IGFBP7: variants seen among roughly 807,000 people sequenced by gnomAD.
The protein encoded by IGFBP7 is insulin-like growth factor-binding protein 7.
IGFBP7 carries 31 observed loss-of-function variants against 29.4 expected under a neutral mutation model. The ratio of observed to expected loss-of-function variants is 1.05; its 90% CI spans 0.79 to 1.42. IGFBP7 has a LOEUF of 1.42. Among genes scored for constraint, IGFBP7 ranks in the 40% most tolerant of loss-of-function variants. The probability of loss-of-function intolerance (pLI) is 0.00; values close to 1 mark genes in which losing one functional copy is unlikely to be tolerated. For synonymous variants in IGFBP7, 172 were observed against 174.9 expected (o/e 0.98, Z 0.13); for missense variants, 393 against 395.5 (o/e 0.99, Z 0.05).
chr4:57,100,155 T>G (rs1725862490), intron 1 of IGFBP7, among the ~76,000 whole-genome samples: 2 of 145,864 alleles, frequency 1.4e-5, no homozygotes, highest in Non-Finnish European at 1.5e-5. Flanking sequence ...CCTGCAGCCT[T>G]GATGACTGTG....
At chr4:57,067,283 C>G (rs1451913028) in intron 1 of IGFBP7, among the ~76,000 whole-genome samples, 1 of 152,180 alleles carries the variant, frequency 6.6e-6, no homozygotes, top group East Asian at 1.9e-4. Context: ...TAAGCCTTAA[C>G]TGTGAGCCTC....
At chr4:57,055,139 A>G (rs1724623842) in intron 1 of IGFBP7, among the ~76,000 whole-genome samples, 2 of 152,230 alleles carry the variant, frequency 1.3e-5, no homozygotes, top group East Asian at 1.9e-4. Flanking sequence ...ATAGCGGGGC[A>G]TCTGCAGAAA....
chr4:57,108,813 C>T (rs1435830044), intron 1 of IGFBP7, among the ~76,000 whole-genome samples: 3 of 152,122 alleles, frequency 2.0e-5, no homozygotes, highest in Non-Finnish European at 4.4e-5. Flanking sequence ...TCCCAAAGTG[C>T]TGGGATTACA....
intron 1 of IGFBP7, among the ~76,000 whole-genome samples, chr4:57,102,286 G>A (rs1439101971): frequency 3.3e-5 from 5 of 152,152 alleles, no homozygotes; most frequent in African/African-American, 4.8e-5. Flanking sequence ...CCGAGGGCAG[G>A]CTCTAGGGAC....
chr4:57,037,867 A>T (rs985126846), intron 2 of IGFBP7, among the ~76,000 whole-genome samples: 2 of 152,032 alleles, frequency 1.3e-5, no homozygotes, highest in Non-Finnish European at 2.9e-5. Context: ...ACCTCCCCAC[A>T]CCCTGAGCAA....
chr4:57,092,681 A>G (rs369031353), intron 1 of IGFBP7, among the ~76,000 whole-genome samples: 2 of 150,532 alleles, frequency 1.3e-5, no homozygotes, highest in South Asian at 2.1e-4. Flanking sequence ...ATATATATAT[A>G]TAAATCTTCA....
chr4:57,109,772 A>C, intron 1 of IGFBP7, 105 bp downstream of exon 1: 3 of 1,313,546 alleles, frequency 2.3e-6, no homozygotes, highest in Non-Finnish European at 3.0e-6. Context: ...CCGCGGGGGA[A>C]TCGCAGTGAG....
At chr4:57,079,758 C>T (rs2109784953) in intron 1 of IGFBP7, among the ~76,000 whole-genome samples, 1 of 152,352 alleles carries the variant, frequency 6.6e-6, no homozygotes, top group South Asian at 2.1e-4. Flanking sequence ...CTTTTCCTAT[C>T]ACTCTCATGC....
chr4:57,054,639 CAAAAA>C (rs75161514), intron 1 of IGFBP7, among the ~76,000 whole-genome samples: 113 of 27,898 alleles, frequency 4.1e-3, no homozygotes, highest in African/African-American at 9.9e-3. Context: ...CTCTCTCTCA[CAAAAA>C]AAAAAAAAAA....
chr4:57,069,917 T>C (rs1175079122), intron 1 of IGFBP7, among the ~76,000 whole-genome samples: 1 of 152,090 alleles, frequency 6.6e-6, no homozygotes, highest in East Asian at 1.9e-4. Context: ...ACCCTGTCTC[T>C]ACTAAAAATA....
intron 1 of IGFBP7, 141 bp downstream of exon 1, chr4:57,109,736 T>A: frequency 9.6e-7 from 1 of 1,041,424 alleles, no homozygotes; most frequent in Non-Finnish European, 1.3e-6. Flanking sequence ...GCCAACTCTT[T>A]CCCTCCCATC....
At chr4:57,031,746 C>T (rs982919700) in intron 4 of IGFBP7, among the ~76,000 whole-genome samples, 1 of 152,222 alleles carries the variant, frequency 6.6e-6, no homozygotes. Flanking sequence ...CCTGACATTA[C>T]ACATTATGGC....
At position 57,059,165 on chromosome 4, in the gene IGFBP7, A is replaced by G. The variant is rs572763520; in HGVS notation, c.476-18232T>C. On this transcript the variant is annotated intron_variant, in intron 1 of 4. Coordinates refer to ENST00000295666, the MANE Select transcript of IGFBP7 (RefSeq NM_001553.3). ...GTTGGTAGGGGTGTAAATTAGCTCA[A>G]CCATTGTGGAAAGCAGTATGGCGAC... Among the ~76,000 whole-genome samples the G allele has an allele frequency of 3.9e-5, 6 of 152,338 alleles. No individual in the cohort carries two copies. In the South Asian group the frequency reaches 1.2e-3, roughly 32 times the overall value.
chr4:57,078,337 T>C (rs1713976), intron 1 of IGFBP7, among the ~76,000 whole-genome samples: 96,724 of 152,024 alleles, frequency 0.64, 31,108 homozygotes, highest in East Asian at 0.82. Context: ...GAGCTGGGAT[T>C]AAAAAGCTAG....
chr4:57,091,398 T>C (rs1725632858), intron 1 of IGFBP7, among the ~76,000 whole-genome samples: 1 of 152,246 alleles, frequency 6.6e-6, no homozygotes, highest in Non-Finnish European at 1.5e-5. Context: ...CATGTGTGTG[T>C]GTCCGTGTAC....
intron 1 of IGFBP7, among the ~76,000 whole-genome samples, chr4:57,102,562 T>C (rs576417069): frequency 6.6e-6 from 1 of 152,310 alleles, no homozygotes; most frequent in Admixed American, 6.5e-5. Flanking sequence ...CCAGGCCTTT[T>C]AATGCTGTCC....
At chr4:57,087,118 G>C (rs1021508880) in intron 1 of IGFBP7, among the ~76,000 whole-genome samples, 2 of 152,194 alleles carry the variant, frequency 1.3e-5, no homozygotes, top group African/African-American at 4.8e-5. Flanking sequence ...GTAACCCCCT[G>C]GAAACTGGAG....
chr4:57,091,023 C>T (rs933051971), intron 1 of IGFBP7, among the ~76,000 whole-genome samples: 3 of 152,174 alleles, frequency 2.0e-5, no homozygotes, highest in African/African-American at 7.2e-5. Context: ...ATTAACCACG[C>T]ATATAGGAAC....
chr4:57,054,361 G>A (rs925397126), intron 1 of IGFBP7, among the ~76,000 whole-genome samples: 2 of 152,116 alleles, frequency 1.3e-5, no homozygotes, highest in Admixed American at 6.5e-5. Flanking sequence ...GGCTGGGCAC[G>A]GGGTGGCTCA....
Sources: allele counts gnomAD v4.1 joint callset (sites outside exome capture counted in the v4.1 genomes callset), GRCh38; gene constraint gnomAD v4.1.1; transcripts MANE v1.5; gene names NCBI Gene and HGNC (gene_info 2026-07-23, HGNC 2026-07-21).